Variants in PTPN23 observed in about 807,000 individuals in gnomAD.
The protein encoded by PTPN23 is tyrosine-protein phosphatase non-receptor type 23.
Under a neutral mutation model 156.3 loss-of-function variants are expected in PTPN23, and 72 were observed. That is an observed-to-expected ratio of 0.46 (90% CI 0.38 to 0.56). PTPN23 has a LOEUF of 0.56. PTPN23 is among the 20% of genes least tolerant of loss of function. The pLI, the probability that PTPN23 is intolerant of heterozygous loss-of-function variation, is 0.00. For missense variants in PTPN23, 1,974 were observed against 2,171.5 expected (o/e 0.91, Z 1.81); for synonymous variants, 957 against 899.6 (o/e 1.06, Z -1.14).
chr3:47,409,693 A>C lies in PTPN23; in HGVS notation c.1988A>C (p.Glu663Ala). The change falls in exon 19 of 25, where the codon GAA becomes GCA. Residue 663 changes from glutamate to alanine, a missense_variant. By Grantham distance (107) the Glu-to-Ala change is moderately radical. This residue lies in a region of PTPN23 where 726 missense variants were observed against 929.5 expected (regional missense o/e 0.78). Transcript: ENST00000265562. The stretch of plus-strand genomic sequence containing the variant: ...CTGCAGACCCTGGTGGCCTCGTATG[A>C]AGCCTATGAGGACCTGATGAAGAAG... ...STLQTLVASYEAYEDLMKKSQ... is the reference protein window; with the variant it reads ...STLQTLVASYAAYEDLMKKSQ... The C allele has an allele frequency of 6.2e-7, 1 of 1,609,812 alleles. No individual in the cohort carries two copies. The highest frequency in any genetic ancestry group is 8.5e-7 in the Non-Finnish European group (1 of 1,179,824).
Position 47,406,212 on chromosome 3 carries a change from G to T in PTPN23, c.547-113G>T. ...GTGCTGCTTGGAGTGGGGGCAGCTGGGGGAGAGGGCAGTGAAGAGGGATCC... is the reference window on the plus strand; with the variant it reads ...GTGCTGCTTGGAGTGGGGGCAGCTGTGGGAGAGGGCAGTGAAGAGGGATCC... On this transcript the variant is annotated intron_variant, in intron 6 of 24. Coordinates refer to ENST00000265562, the MANE Select transcript of PTPN23 (RefSeq NM_015466.4). The surrounding 1 kb of genome is among the most constrained non-coding windows in gnomAD (Gnocchi z 5.8). 2.7e-6 allele frequency: 4 copies of T among 1,473,910 alleles called. No homozygotes were observed. Among genetic ancestry groups the T allele is most frequent in the Non-Finnish European group, 3.7e-6 (4 of 1,077,054 alleles). The allele number at this position is 1,473,910 out of a possible 1,614,324, so 91.3% of individuals were successfully genotyped here. A position where few individuals can be genotyped will look rare whatever the true frequency, so the allele number is the denominator to read the frequency against.
chr3:47,382,182 G>T (rs1415678620), intron 1 of PTPN23, among the ~76,000 whole-genome samples: 3 of 152,218 alleles, frequency 2.0e-5, no homozygotes, highest in Non-Finnish European at 2.9e-5. Flanking sequence ...ATACACCATT[G>T]CCTTAGTTCA....
intron 2 of PTPN23, among the ~76,000 whole-genome samples, chr3:47,403,236 T>A (rs1397214066): frequency 6.6e-6 from 1 of 151,892 alleles, no homozygotes; most frequent in Non-Finnish European, 1.5e-5. Context: ...GTATTTTTAG[T>A]AGAGACGGGG....
At chr3:47,388,935 G>A (rs1046061857) in intron 1 of PTPN23, among the ~76,000 whole-genome samples, 1 of 152,012 alleles carries the variant, frequency 6.6e-6, no homozygotes, top group Non-Finnish European at 1.5e-5. Context: ...AAAGTGCTGC[G>A]ATTGCAGGTG....
intron 1 of PTPN23, among the ~76,000 whole-genome samples, chr3:47,382,143 C>T (rs1289403868): frequency 1.3e-5 from 2 of 152,166 alleles, no homozygotes; most frequent in Non-Finnish European, 2.9e-5. Flanking sequence ...GAAGTAGTTT[C>T]CCAAGAAGCT....
At chr3:47,390,019 G>A (rs1334843955) in intron 1 of PTPN23, among the ~76,000 whole-genome samples, 3 of 150,124 alleles carry the variant, frequency 2.0e-5, no homozygotes, top group Non-Finnish European at 4.4e-5. Flanking sequence ...GTTGCAGTAA[G>A]CCGAGATGGC....
chr3:47,403,154 G>A (rs1046667410), intron 2 of PTPN23, among the ~76,000 whole-genome samples: 25 of 151,386 alleles, frequency 1.7e-4, no homozygotes, highest in Middle Eastern at 3.4e-3. Context: ...GGGGGTTCAC[G>A]CCATTCTCCT....
At position 47,405,639 on chromosome 3, in the gene PTPN23, T is replaced by C; in HGVS notation, c.365-110T>C. On this transcript the variant is annotated intron_variant, in intron 4 of 24. Transcript: ENST00000265562. The surrounding 1 kb of genome is among the most constrained non-coding windows in gnomAD (Gnocchi z 4.7). ...GTGTCCTTGGACTCGTTGCCCTGGTTCTCAGAGCCATGTTGTCCTGATTGT... is the reference window on the plus strand; with the variant it reads ...GTGTCCTTGGACTCGTTGCCCTGGTCCTCAGAGCCATGTTGTCCTGATTGT... 8.6e-7 allele frequency: 1 copy of C among 1,166,028 alleles called. No homozygotes were observed. 72.2% of individuals were successfully genotyped at this position (1,166,028 alleles called of 1,614,324 possible).
intron 15 of PTPN23, 103 bp from the exon 16 acceptor site, chr3:47,408,673 C>T (rs1705188529): frequency 1.4e-6 from 2 of 1,466,586 alleles, no homozygotes; most frequent in African/African-American, 1.4e-5. Context: ...CTGGGCCTCA[C>T]TTAAGCCCTG....
intron 2 of PTPN23, among the ~76,000 whole-genome samples, chr3:47,402,895 G>C (rs1176444185): frequency 6.6e-6 from 1 of 151,874 alleles, no homozygotes; most frequent in Non-Finnish European, 1.5e-5. Context: ...TAGTAGAGAC[G>C]GGGTTTCACC....
intron 1 of PTPN23, among the ~76,000 whole-genome samples, chr3:47,390,511 C>T (rs903021783): frequency 7.9e-5 from 12 of 152,138 alleles, no homozygotes; most frequent in African/African-American, 2.4e-4. Context: ...TCTTTCTCCT[C>T]GTCTGCTGCT....
chr3:47,410,482 C>G lies in PTPN23; in HGVS notation c.2684C>G (p.Thr895Arg), dbSNP rs1559528209. The change falls in exon 20 of 25, where the codon ACA becomes AGA. Residue 895 changes from threonine to arginine, a missense_variant. This residue lies in a region of PTPN23 where 731 missense variants were observed against 669.1 expected (regional missense o/e 1.09). Transcript: ENST00000265562. ...DSIQAPIPSHTAPRPNPTPAP... is the reference protein window; with the variant it reads ...DSIQAPIPSHRAPRPNPTPAP... ...ATCCAGGCGCCCATCCCCAGCCACA[C>G]AGCCCCACGGCCAAACCCCACCCCT... 6.2e-7 allele frequency: 1 copy of G among 1,608,672 alleles called. No homozygotes were observed. The highest frequency in any genetic ancestry group is 8.5e-7 in the Non-Finnish European group (1 of 1,177,758).
In PTPN23 at chr3:47,409,974, C is replaced by G; in HGVS notation, c.2176C>G (p.Leu726Val). ...GCCACGGCCCACAGCCCCAAAGCCG[C>G]TGCTGCCCCGCAGGGAGGAGAGTGA... ...PPPRPTAPKP[L>V]LPRREESEAV... The change falls in exon 20 of 25, where the codon CTG (leucine) becomes GTG (valine). Residue 726 changes from leucine (L) to valine (V), a missense_variant. Transcript: ENST00000265562. The G allele has an allele frequency of 6.3e-7, 1 of 1,585,288 alleles. No homozygotes were observed. The highest frequency in any genetic ancestry group is 1.4e-5 in the African/African-American group (1 of 73,812).
In PTPN23 at chr3:47,409,933, TGAA is replaced by T. The variant is rs751441543; in HGVS notation, c.2143_2145del (p.Lys715del). 61 of 1,570,032 alleles carry T rather than the reference TGAA, an allele frequency of 3.9e-5. No individual in the cohort carries two copies. Among genetic ancestry groups the T allele is most frequent in the South Asian group, 2.5e-4 (21 of 84,290 alleles). On this transcript the variant is annotated inframe_deletion, in exon 20 of 25. Transcript: ENST00000265562. ...TTTCCTTGCCTGTCGCACAGGGAGC[TGAA>T]GAAGAAGCCGCCGCCACGGCCCACA...
At chr3:47,403,705 T>C (rs1401667596) in intron 2 of PTPN23, among the ~76,000 whole-genome samples, 1 of 152,072 alleles carries the variant, frequency 6.6e-6, no homozygotes, top group Non-Finnish European at 1.5e-5. Flanking sequence ...TTAAAATTCT[T>C]TTTTGTTGAG....
chr3:47,405,973 G>A lies in PTPN23; in HGVS notation c.473G>A (p.Arg158Gln), dbSNP rs188888990. Reference sequence around the variant, plus strand: ...GCAGCCGGCGCCTTCGCCTACCTACGGGAGCACTTCCCTCAAGCCTACAGC... The same window carrying A: ...GCAGCCGGCGCCTTCGCCTACCTACAGGAGCACTTCCCTCAAGCCTACAGC... ...QCAAGAFAYL[R>Q]EHFPQAYSVD... The change falls in exon 6 of 25, where the codon CGG becomes CAG. Residue 158 changes from arginine to glutamine, a missense_variant. By Grantham distance (43) the Arg-to-Gln change is conservative. This residue lies in a region of PTPN23 where 726 missense variants were observed against 929.5 expected (regional missense o/e 0.78). Coordinates refer to ENST00000265562, the MANE Select transcript of PTPN23 (RefSeq NM_015466.4). This position sits in a 1 kb window ranked among gnomAD's most constrained non-coding sequence, Gnocchi z 4.7. The A allele has an allele frequency of 9.1e-5, 147 of 1,613,900 alleles. No homozygotes were observed. In the East Asian group the frequency reaches 2.4e-3, roughly 26 times the overall value.
At position 47,405,357 on chromosome 3, in the gene PTPN23, C is replaced by T. The variant is rs529608744; in HGVS notation, c.364+276C>T. 2.6e-5 allele frequency: 14 copies of T among 545,772 alleles called. No individual in the cohort carries two copies. Among genetic ancestry groups the T allele is most frequent in the Non-Finnish European group, 4.0e-5 (12 of 303,312 alleles). The allele number at this position is 545,772 out of a possible 1,614,324, so 33.8% of individuals were successfully genotyped here. ...GGGAGAGAGGGCCTTTCTTCTTTGACTGGACAGCCCCTCCCCACTGTGGTT... is the reference window on the plus strand; with the variant it reads ...GGGAGAGAGGGCCTTTCTTCTTTGATTGGACAGCCCCTCCCCACTGTGGTT... On this transcript the variant is annotated intron_variant, in intron 4 of 24. Transcript: ENST00000265562. This position sits in a 1 kb window ranked among gnomAD's most constrained non-coding sequence, Gnocchi z 4.7.
chr3:47,386,153 T>G (rs768837416), intron 1 of PTPN23, among the ~76,000 whole-genome samples: 29 of 151,892 alleles, frequency 1.9e-4, no homozygotes, highest in Non-Finnish European at 3.7e-4. Flanking sequence ...CACCACAGAG[T>G]GCACGCTGGT....
Position 47,407,499 on chromosome 3 carries a change from C to T in PTPN23, c.924-6C>T. On this transcript the variant is annotated splice_region_variant and splice_polypyrimidine_tract_variant and intron_variant, in intron 11 of 24. Transcript: ENST00000265562. This position sits in a 1 kb window ranked among gnomAD's most constrained non-coding sequence, Gnocchi z 4.0. ...ACTGCCCACTCCCCCTGCTCCTGAT[C>T]CCCAGGTACAATTCTGCCAAGAAGG... 6.2e-7 allele frequency: 1 copy of T among 1,613,566 alleles called. No individual in the cohort carries two copies. The highest frequency in any genetic ancestry group is 8.5e-7 in the Non-Finnish European group (1 of 1,179,550).
Sources: allele counts gnomAD v4.1 joint callset (sites outside exome capture counted in the v4.1 genomes callset), GRCh38; gene constraint gnomAD v4.1.1; regional missense constraint gnomAD v4.1.1; non-coding constraint Gnocchi (gnomAD v3.1); transcripts MANE v1.5; gene names NCBI Gene and HGNC (gene_info 2026-07-23, HGNC 2026-07-21).